Variants in TMEM127 observed in about 807,000 individuals in gnomAD.
The protein encoded by TMEM127 is transmembrane protein 127.
Under a neutral mutation model 20.1 loss-of-function variants are expected in TMEM127, and 21 were observed. That is an observed-to-expected ratio of 1.04 (90% CI 0.74 to 1.50). TMEM127 has a LOEUF of 1.50. TMEM127 is among the 40% of genes most tolerant of loss of function. The pLI, the probability that TMEM127 is intolerant of heterozygous loss-of-function variation, is 0.00. For missense variants in TMEM127, 303 were observed against 317.4 expected (o/e 0.95, Z 0.34); for synonymous variants, 150 against 144.7 (o/e 1.04, Z -0.26).
chr2:96,258,889 A>G (rs898706179), intron 2 of TMEM127, among the ~76,000 whole-genome samples: 3 of 152,096 alleles, frequency 2.0e-5, no homozygotes, highest in African/African-American at 7.2e-5. Context: ...GTCAGATTCC[A>G]CTCACATTAC....
chr2:96,263,664 T>C (rs552387532), intron 2 of TMEM127, among the ~76,000 whole-genome samples: 1 of 152,312 alleles, frequency 6.6e-6, no homozygotes, highest in African/African-American at 2.4e-5. Flanking sequence ...CATTTTATAT[T>C]GGCATCAACA....
intron 3 of TMEM127, among the ~76,000 whole-genome samples, chr2:96,254,510 C>T (rs1283504914): frequency 2.6e-5 from 4 of 152,148 alleles, no homozygotes; most frequent in Non-Finnish European, 1.5e-5. Flanking sequence ...AGGGGAGACA[C>T]GGGAGACTGC....
chr2:96,264,847 G>A (rs999741568), intron 2 of TMEM127, among the ~76,000 whole-genome samples: 3 of 152,210 alleles, frequency 2.0e-5, no homozygotes, highest in African/African-American at 7.2e-5. Context: ...AGCTAACTGT[G>A]ATACCTAGCA....
At position 96,253,864 on chromosome 2, in the gene TMEM127, G is replaced by A. The variant is rs2104283028; in HGVS notation, c.661C>T (p.Pro221Ser). 1.2e-6 allele frequency: 2 copies of A among 1,614,084 alleles called. No individual in the cohort carries two copies. Among genetic ancestry groups the A allele is most frequent in the Non-Finnish European group, 1.7e-6 (2 of 1,179,990 alleles). The change falls in exon 4 of 4, where the codon CCG becomes TCG. Residue 221 changes from proline (P) to serine (S), a missense_variant. By Grantham distance (74) the Pro-to-Ser change is moderately conservative. Coordinates refer to ENST00000258439, the MANE Select transcript of TMEM127 (RefSeq NM_017849.4). This position sits in a 1 kb window ranked among gnomAD's most constrained non-coding sequence, Gnocchi z 4.3. ...TGGTTGATGACCTCATATTCCGCCG[G>A]GTAGGGCTCGTTCTCTTCCATCTCT... ...LSEMEENEPY[P>S]AEYEVINQFQ...
chr2:96,252,194 C>T lies in TMEM127; in HGVS notation c.*1614G>A, dbSNP rs1226433334. On this transcript the variant is annotated 3_prime_UTR_variant, in exon 4 of 4. Coordinates refer to ENST00000258439, the MANE Select transcript of TMEM127 (RefSeq NM_017849.4). This position sits in a 1 kb window ranked among gnomAD's most constrained non-coding sequence, Gnocchi z 4.2. ...CCCATGCAGGCATCTGTCCGGACATCCCCAGTCAATCTGGCCAAAGGATGG... is the reference window on the plus strand; with the variant it reads ...CCCATGCAGGCATCTGTCCGGACATTCCCAGTCAATCTGGCCAAAGGATGG... 2.1e-5 allele frequency: 5 copies of T among 233,246 alleles called. No homozygotes were observed. The highest frequency in any genetic ancestry group is 4.2e-5 in the Non-Finnish European group (5 of 118,110). 14.4% of individuals were successfully genotyped at this position (233,246 alleles called of 1,614,324 possible). A position where few individuals can be genotyped will look rare whatever the true frequency, so the allele number is the denominator to read the frequency against.
chr2:96,265,560 C>G, intron 1 of TMEM127, 48 bp from the exon 2 acceptor site: 1 of 758,030 alleles, frequency 1.3e-6, no homozygotes, highest in Non-Finnish European at 1.8e-6. Context: ...CCGGGGCTGA[C>G]GGAGACGGGG....
rs1490857788 is a variant in TMEM127, at chr2:96,249,280, T to C, written c.*4528A>G. ...GCCTGGTTAATTTTTGTATTTTTAG[T>C]AGAGACGGGGTTTCACCATGTTGGC... is the stretch of plus-strand genomic sequence containing the variant. On this transcript the variant is annotated 3_prime_UTR_variant, in exon 4 of 4. Transcript: ENST00000258439. The C allele has an allele frequency of 2.0e-5, 4 of 205,116 alleles. No homozygotes were observed. The highest frequency in any genetic ancestry group is 4.0e-5 in the Non-Finnish European group (4 of 100,064). The allele number at this position is 205,116 out of a possible 1,614,324, so 12.7% of individuals were successfully genotyped here.
chr2:96,256,870 A>G (rs908632571), intron 2 of TMEM127, among the ~76,000 whole-genome samples: 2 of 152,176 alleles, frequency 1.3e-5, no homozygotes, highest in African/African-American at 4.8e-5. Flanking sequence ...AGGGAAATAG[A>G]CCTACCTAAA....
rs1684049987 is a variant in TMEM127, at chr2:96,249,791, T to C, written c.*4017A>G. The C allele has an allele frequency of 4.3e-6, 1 of 233,126 alleles. No individual in the cohort carries two copies. Among genetic ancestry groups the C allele is most frequent in the Non-Finnish European group, 8.5e-6 (1 of 118,026 alleles). 14.4% of individuals were successfully genotyped at this position (233,126 alleles called of 1,614,324 possible). A position where few individuals can be genotyped will look rare whatever the true frequency, so the allele number is the denominator to read the frequency against. ...TGTAGTGGCTGAGAGCGTGGATATT[T>C]CAGGCAAGATGCCAGCTGAAGATTC... On this transcript the variant is annotated 3_prime_UTR_variant, in exon 4 of 4. Coordinates refer to ENST00000258439, the MANE Select transcript of TMEM127 (RefSeq NM_017849.4).
intron 2 of TMEM127, among the ~76,000 whole-genome samples, chr2:96,261,145 G>A (rs143403598): frequency 1.3e-5 from 2 of 152,360 alleles, no homozygotes; most frequent in Non-Finnish European, 2.9e-5. Flanking sequence ...AGGCTCAGAA[G>A]AAATGACTAT....
Position 96,252,884 on chromosome 2 carries a change from C to T in TMEM127, c.*924G>A. ...GAGGGAAGGGGCCAGGGAAGGGAGG[C>T]TGCATTCTACTGGGAGAGACTCGGG... is the stretch of plus-strand genomic sequence containing the variant. On this transcript the variant is annotated 3_prime_UTR_variant, in exon 4 of 4. Coordinates refer to ENST00000258439, the MANE Select transcript of TMEM127 (RefSeq NM_017849.4). This position sits in a 1 kb window ranked among gnomAD's most constrained non-coding sequence, Gnocchi z 4.2. 2 of 233,692 alleles carry T rather than the reference C, an allele frequency of 8.6e-6. No individual in the cohort carries two copies. Among genetic ancestry groups the T allele is most frequent in the East Asian group, 1.2e-4 (2 of 16,580 alleles). 14.5% of individuals were successfully genotyped at this position (233,692 alleles called of 1,614,324 possible).
chr2:96,265,362 G>A lies in TMEM127; in HGVS notation c.20C>T (p.Ala7Val), dbSNP rs1357430519. 6.7e-7 allele frequency: 1 copy of A among 1,482,954 alleles called. No individual in the cohort carries two copies. The highest frequency in any genetic ancestry group is 1.4e-5 in the African/African-American group (1 of 69,862). 91.9% of individuals were successfully genotyped at this position (1,482,954 alleles called of 1,614,324 possible). ...CCGCCGGCGCCCGCCGGGCAGCCCT[G>A]CGCCTCCGGGGGCGTACATGCCCGG... The part of the protein sequence containing the change: MYAPGG[A>V]GLPGGRRRRS... The change falls in exon 2 of 4, where the codon GCA becomes GTA. Residue 7 changes from alanine (A) to valine (V), a missense_variant. Transcript: ENST00000258439.
chr2:96,257,798 C>T lies in TMEM127; in HGVS notation c.245-2801G>A, dbSNP rs570408689. 2.6e-5 allele frequency among the ~76,000 whole-genome samples: 4 copies of T among 151,956 alleles called. 1 individual carries two copies. Among genetic ancestry groups the T allele is most frequent in the Admixed American group, 1.3e-4 (2 of 15,280 alleles). The stretch of plus-strand genomic sequence containing the variant: ...GGTATGGTGGCGTGCACCTGTAGTC[C>T]CAGCTACTCAGGAGGCTGAGACAGG... On this transcript the variant is annotated intron_variant, in intron 2 of 3. Coordinates refer to ENST00000258439, the MANE Select transcript of TMEM127 (RefSeq NM_017849.4).
rs969955316 is a variant in TMEM127 at position 96,253,561 on chromosome 2, C to G, written c.*247G>C. The G allele has an allele frequency of 7.6e-6, 4 of 528,332 alleles. No individual in the cohort carries two copies. The highest frequency in any genetic ancestry group is 7.6e-5 in the African/African-American group (4 of 52,876). The allele number at this position is 528,332 out of a possible 1,614,324, so 32.7% of individuals were successfully genotyped here. ...TGACCTTCCCTGGCTGGTAATGACTCGTGAATGTGAAGGGGGCAGGATGTG... is the reference window on the plus strand; with the variant it reads ...TGACCTTCCCTGGCTGGTAATGACTGGTGAATGTGAAGGGGGCAGGATGTG... On this transcript the variant is annotated 3_prime_UTR_variant, in exon 4 of 4. Transcript: ENST00000258439. This position sits in a 1 kb window ranked among gnomAD's most constrained non-coding sequence, Gnocchi z 4.3.
At chr2:96,261,274 G>C (rs1309774557) in intron 2 of TMEM127, among the ~76,000 whole-genome samples, 1 of 151,686 alleles carries the variant, frequency 6.6e-6, no homozygotes, top group African/African-American at 2.4e-5. Context: ...CCAGGATGAG[G>C]TCTTTTTTTT....
At chr2:96,257,190 A>G (rs1349495305) in intron 2 of TMEM127, among the ~76,000 whole-genome samples, 4 of 152,234 alleles carry the variant, frequency 2.6e-5, no homozygotes, top group Non-Finnish European at 5.9e-5. Flanking sequence ...TACCAGGCAC[A>G]GTGGCTCACG....
At chr2:96,255,481 T>C (rs772078515) in intron 2 of TMEM127, among the ~76,000 whole-genome samples, 2 of 152,210 alleles carry the variant, frequency 1.3e-5, no homozygotes, top group Non-Finnish European at 2.9e-5. Context: ...GAAGATACTA[T>C]GCTAAGTGAA....
At chr2:96,263,448 G>A (rs568246944) in intron 2 of TMEM127, among the ~76,000 whole-genome samples, 8 of 149,518 alleles carry the variant, frequency 5.4e-5, no homozygotes, top group African/African-American at 1.2e-4. Flanking sequence ...CTGCAACCTC[G>A]GCCTCCCAAG....
Position 96,252,722 on chromosome 2 carries a change from C to T in TMEM127, c.*1086G>A. 1 of 233,874 alleles carries T rather than the reference C, an allele frequency of 4.3e-6. No homozygotes were observed. Among genetic ancestry groups the T allele is most frequent in the Non-Finnish European group, 8.5e-6 (1 of 118,198 alleles). 14.5% of individuals were successfully genotyped at this position (233,874 alleles called of 1,614,324 possible). On this transcript the variant is annotated 3_prime_UTR_variant, in exon 4 of 4. Coordinates refer to ENST00000258439, the MANE Select transcript of TMEM127 (RefSeq NM_017849.4). This position sits in a 1 kb window ranked among gnomAD's most constrained non-coding sequence, Gnocchi z 4.2. The stretch of plus-strand genomic sequence containing the variant: ...GTGGTGGGTTCCTGCCCTGTTGTGG[C>T]CCCTGTTCCTAAACTGAGGCCAGGT...
Sources: allele counts gnomAD v4.1 joint callset (sites outside exome capture counted in the v4.1 genomes callset), GRCh38; gene constraint gnomAD v4.1.1; non-coding constraint Gnocchi (gnomAD v3.1); transcripts MANE v1.5; gene names NCBI Gene and HGNC (gene_info 2026-07-23, HGNC 2026-07-21).